Variants in CATSPERE observed in about 807,000 individuals in gnomAD.
CATSPERE encodes cation channel sperm-associated auxiliary subunit epsilon.
In CATSPERE, 93 loss-of-function variants were observed where a neutral mutation model predicts 114.1. The ratio of observed to expected loss-of-function variants is 0.81; its 90% CI spans 0.69 to 0.97. The LOEUF is 0.97. Ranked by LOEUF, CATSPERE falls within the 50% of genes least tolerant of loss-of-function variation. CATSPERE has a pLI of 0.00. For missense variants in CATSPERE, 1,058 were observed against 1,131.6 expected, an observed-to-expected ratio of 0.93 and a Z score of 0.93; for synonymous variants, 341 against 384.1, an observed-to-expected ratio of 0.89 and a Z score of 1.31.
chr1:244,617,814 G>A (rs1671589126), intron 20 of CATSPERE, 128 bp downstream of exon 20: 2 of 794,282 alleles, frequency 2.5e-6, no homozygotes, highest in South Asian at 2.3e-5. Context: ...TTTTCATTTT[G>A]TAGCAATCAC....
chr1:244,588,362 A>T, intron 13 of CATSPERE, 120 bp from the exon 14 acceptor site: 1 of 744,866 alleles, frequency 1.3e-6, no homozygotes, highest in South Asian at 1.6e-5. Context: ...GTGGTATAAG[A>T]GAACCCTACA....
At chr1:244,600,278 T>C (rs1435751374) in intron 17 of CATSPERE, among the ~76,000 whole-genome samples, 2 of 151,752 alleles carry the variant, frequency 1.3e-5, no homozygotes, top group African/African-American at 4.8e-5. Flanking sequence ...GAGCTAGAAA[T>C]TGGAAGCTGG....
At chr1:244,544,357 C>G (rs1659383190) in intron 8 of CATSPERE, among the ~76,000 whole-genome samples, 1 of 152,164 alleles carries the variant, frequency 6.6e-6, no homozygotes, top group Non-Finnish European at 1.5e-5. Flanking sequence ...CCATGGGCCT[C>G]TATCAGAATG....
intron 20 of CATSPERE, among the ~76,000 whole-genome samples, chr1:244,634,056 G>C (rs950915226): frequency 6.6e-6 from 1 of 152,070 alleles, no homozygotes; most frequent in Non-Finnish European, 1.5e-5. Context: ...TAGAGATGGG[G>C]TTTCACCATG....
intron 5 of CATSPERE, among the ~76,000 whole-genome samples, chr1:244,480,738 A>G (rs926617889): frequency 1.5e-5 from 2 of 137,744 alleles, no homozygotes; most frequent in African/African-American, 5.3e-5. Flanking sequence ...GCTAGATTGT[A>G]AGTCCTAATA....
At chr1:244,525,757 G>A (rs2148396112) in intron 8 of CATSPERE, among the ~76,000 whole-genome samples, 1 of 152,250 alleles carries the variant, frequency 6.6e-6, no homozygotes, top group Admixed American at 6.5e-5. Context: ...TGCAAAAAAA[G>A]AAGAAGAAAG....
chr1:244,584,697 A>G (rs1666766912), intron 13 of CATSPERE, among the ~76,000 whole-genome samples: 1 of 152,120 alleles, frequency 6.6e-6, no homozygotes, highest in South Asian at 2.1e-4. Flanking sequence ...TGTGTTATAT[A>G]TGGGGAATAC....
At chr1:244,598,184 A>G (rs1329487782) in intron 17 of CATSPERE, among the ~76,000 whole-genome samples, 2 of 152,188 alleles carry the variant, frequency 1.3e-5, no homozygotes, top group East Asian at 3.8e-4. Flanking sequence ...ATCAAGCTCA[A>G]TCATATCTGT....
chr1:244,609,644 AT>A (rs1306074907), intron 18 of CATSPERE, among the ~76,000 whole-genome samples: 9 of 152,372 alleles, frequency 5.9e-5, no homozygotes, highest in Middle Eastern at 3.4e-3. Context: ...TAAGAAAAAA[AT>A]AATAAAAACA....
chr1:244,463,237 C>A (rs1336429220), intron 1 of CATSPERE, among the ~76,000 whole-genome samples: 1 of 151,950 alleles, frequency 6.6e-6, no homozygotes, highest in South Asian at 2.1e-4. Context: ...TCTTCTTGTG[C>A]TTTTAAAGTA....
intron 7 of CATSPERE, among the ~76,000 whole-genome samples, chr1:244,501,382 T>G (rs1222471769): frequency 6.6e-6 from 1 of 152,242 alleles, no homozygotes; most frequent in African/African-American, 2.4e-5. Flanking sequence ...CTTTCAAGAT[T>G]TAAATTTTGT....
At chr1:244,533,241 C>A (rs912682126) in intron 8 of CATSPERE, among the ~76,000 whole-genome samples, 1 of 151,818 alleles carries the variant, frequency 6.6e-6, no homozygotes, top group African/African-American at 2.4e-5. Context: ...TCAATTTATT[C>A]ATGTCTTTAT....
chr1:244,603,942 A>G (rs1669627823), intron 17 of CATSPERE, among the ~76,000 whole-genome samples: 1 of 152,244 alleles, frequency 6.6e-6, no homozygotes, highest in Non-Finnish European at 1.5e-5. Flanking sequence ...ATAGTGAGCT[A>G]TGATTGTGCC....
chr1:244,520,027 C>T (rs1041506877), intron 8 of CATSPERE, among the ~76,000 whole-genome samples: 1 of 152,072 alleles, frequency 6.6e-6, no homozygotes, highest in Non-Finnish European at 1.5e-5. Context: ...TCTTTATATT[C>T]TAGATACAAG....
chr1:244,529,994 C>T (rs1679334326), intron 8 of CATSPERE, among the ~76,000 whole-genome samples: 1 of 152,070 alleles, frequency 6.6e-6, no homozygotes, highest in Non-Finnish European at 1.5e-5. Context: ...GTCACCCAGG[C>T]TGAAGTGCAA....
At chr1:244,626,177 CTT>C (rs1673170111) in intron 20 of CATSPERE, among the ~76,000 whole-genome samples, 1 of 151,988 alleles carries the variant, frequency 6.6e-6, no homozygotes, top group Non-Finnish European at 1.5e-5. Flanking sequence ...ACTGATTTCT[CTT>C]CTCTAGCTAT....
intron 9 of CATSPERE, among the ~76,000 whole-genome samples, chr1:244,559,382 A>C (rs370460603): frequency 5.9e-5 from 9 of 152,230 alleles, no homozygotes; most frequent in Non-Finnish European, 1.3e-4. Flanking sequence ...CTGTTTCAGT[A>C]TACACTAAAT....
chr1:244,625,464 C>T (rs1488145139), intron 20 of CATSPERE, among the ~76,000 whole-genome samples: 4 of 29,444 alleles, frequency 1.4e-4, no homozygotes, highest in Admixed American at 1.1e-3. Context: ...GAGTCTCACT[C>T]TGTCTCCAGG....
At chr1:244,467,195 T>A (rs1237523870) in intron 2 of CATSPERE, among the ~76,000 whole-genome samples, 1 of 152,160 alleles carries the variant, frequency 6.6e-6, no homozygotes, top group African/African-American at 2.4e-5. Context: ...CCTTTATAAA[T>A]AAATAAATAT....
Sources: allele counts gnomAD v4.1 joint callset (sites outside exome capture counted in the v4.1 genomes callset), GRCh38; gene constraint gnomAD v4.1.1; transcripts MANE v1.5; gene names NCBI Gene and HGNC (gene_info 2026-07-23, HGNC 2026-07-21).